DOP1B: variants seen among roughly 807,000 people sequenced by gnomAD.
The protein encoded by DOP1B is DOP1 leucine zipper like protein B, also known as protein DOP1B.
A neutral mutation model predicts 233.5 loss-of-function variants in DOP1B; 174 were observed. The observed-to-expected ratio is 0.75, with a 90% CI of 0.66 to 0.85. The LOEUF (loss-of-function observed/expected upper bound fraction) is 0.85. Ranked by LOEUF, DOP1B falls within the 40% of genes least tolerant of loss-of-function variation. The pLI, the probability that DOP1B is intolerant of heterozygous loss-of-function variation, is 0.00. For synonymous variants in DOP1B, 1,190 were observed against 1,185.6 expected, an observed-to-expected ratio of 1.00 and a Z score of -0.08; for missense variants, 2,652 against 2,846.6, an observed-to-expected ratio of 0.93 and a Z score of 1.56.
intron 2 of DOP1B, among the ~76,000 whole-genome samples, chr21:36,193,791 C>T (rs1269773450): frequency 6.6e-6 from 1 of 152,160 alleles, no homozygotes; most frequent in East Asian, 1.9e-4. Flanking sequence ...CTGATCCAAG[C>T]AACTGGTTCT....
intron 2 of DOP1B, among the ~76,000 whole-genome samples, chr21:36,180,452 T>A (rs1226905337): frequency 6.6e-6 from 1 of 151,810 alleles, no homozygotes; most frequent in Non-Finnish European, 1.5e-5. Context: ...CACCTGTTAG[T>A]CCTAGCTACT....
chr21:36,178,019 C>G (rs2249360), intron 2 of DOP1B, among the ~76,000 whole-genome samples: 89,977 of 152,024 alleles, frequency 0.59, 27,313 homozygotes, highest in African/African-American at 0.75. Flanking sequence ...CTCCATGTCA[C>G]GCCTTGGTGT....
rs193149236 is a variant in DOP1B, at chr21:36,291,215, C to T, written c.6516-889C>T. On this transcript the variant is annotated intron_variant, in intron 35 of 36. Coordinates refer to ENST00000691173, the MANE Select transcript of DOP1B (RefSeq NM_001320714.2). ...GGCGGAGGTTGCAGTGAACCGAGAT[C>T]GCACCACTGCACTCCAGCCTGGGCG... is the stretch of plus-strand genomic sequence containing the variant. Among the ~76,000 whole-genome samples the T allele has an allele frequency of 5.5e-4, 84 of 151,552 alleles. 1 individual carries two copies. In the East Asian group the frequency reaches 0.013, roughly 23 times the overall value.
chr21:36,256,011 G>A (rs2067092224), intron 23 of DOP1B, among the ~76,000 whole-genome samples: 1 of 152,102 alleles, frequency 6.6e-6, no homozygotes, highest in Non-Finnish European at 1.5e-5. Context: ...TTCTATTTCT[G>A]TTTTTACCAA....
chr21:36,222,826 C>T (rs189911773), intron 10 of DOP1B, among the ~76,000 whole-genome samples: 2 of 152,118 alleles, frequency 1.3e-5, no homozygotes, highest in African/African-American at 4.8e-5. Flanking sequence ...ACCTCCGCCT[C>T]CCAGGTTCAG....
intron 1 of DOP1B, among the ~76,000 whole-genome samples, chr21:36,163,605 A>G (rs1454581447): frequency 2.0e-5 from 3 of 152,224 alleles, no homozygotes; most frequent in Non-Finnish European, 2.9e-5. Flanking sequence ...CTCACGTTTA[A>G]CTATATAGCA....
chr21:36,227,510 G>A (rs1394079803), intron 12 of DOP1B, among the ~76,000 whole-genome samples, 176 bp from the exon 13 acceptor site: 1 of 151,770 alleles, frequency 6.6e-6, no homozygotes, highest in Non-Finnish European at 1.5e-5. Context: ...TCGCGACACT[G>A]CACTCCAGCC....
At chr21:36,188,832 A>G (rs2066196369) in intron 2 of DOP1B, among the ~76,000 whole-genome samples, 1 of 152,252 alleles carries the variant, frequency 6.6e-6, no homozygotes, top group Non-Finnish European at 1.5e-5. Context: ...TTTAAAGGAA[A>G]CATTTAACAT....
intron 27 of DOP1B, 143 bp from the exon 28 acceptor site, chr21:36,276,878 C>G: frequency 1.7e-6 from 1 of 573,796 alleles, no homozygotes; most frequent in Non-Finnish European, 3.0e-6. Flanking sequence ...TGAAAGTTAA[C>G]AGAGAGGAAT....
At chr21:36,244,919 T>A in intron 18 of DOP1B, 129 bp from the exon 19 acceptor site, 3 of 881,916 alleles carry the variant, frequency 3.4e-6, no homozygotes, top group Non-Finnish European at 5.0e-6. Flanking sequence ...ACTCTGGTGG[T>A]GGTGTTTCAT....
chr21:36,220,959 C>T (rs998340986), intron 10 of DOP1B, among the ~76,000 whole-genome samples: 1 of 151,972 alleles, frequency 6.6e-6, no homozygotes. Flanking sequence ...TATAGGCACA[C>T]ACAACCACAC....
rs1341928473 is a variant in DOP1B at position 36,246,438 on chromosome 21, G to T, written c.4458G>T (p.Gln1486His). Residue 1486 changes from glutamine (Q) to histidine (H), a missense_variant, in exon 19 of 37, where the codon CAG (glutamine) becomes CAT (histidine). By Grantham distance (24) the Gln-to-His change is conservative (BLOSUM62 0). Transcript: ENST00000691173. The surrounding 1 kb of genome is among the most constrained non-coding windows in gnomAD (Gnocchi z 5.1). ...LNFQQAISAL[Q>H]YVQPHPLTSQ... ...TCCAGCAGGCCATCAGCGCCCTGCA[G>T]TACGTGCAGCCCCACCCCCTCACCT... is the stretch of plus-strand genomic sequence containing the variant. The T allele has an allele frequency of 6.2e-7, 1 of 1,613,586 alleles. No homozygotes were observed. Among genetic ancestry groups the T allele is most frequent in the South Asian group, 1.1e-5 (1 of 91,042 alleles).
Position 36,253,889 on chromosome 21 carries a change from C to CA in DOP1B, c.5241dup (p.Val1748SerfsTer5), listed in dbSNP as rs764056711. ...GAAGGAGGTGGTGAAGAGGCCACCCCAAGTCAAAGGGGGTGATGAGGTGAG... is the reference window on the plus strand; with the variant it reads ...GAAGGAGGTGGTGAAGAGGCCACCCCAAAGTCAAAGGGGGTGATGAGGTGAG... On this transcript the variant is annotated frameshift_variant, in exon 23 of 37. Coordinates refer to ENST00000691173, the MANE Select transcript of DOP1B (RefSeq NM_001320714.2). LOFTEE classifies it high-confidence loss of function. The CA allele has an allele frequency of 6.2e-7, 1 of 1,613,906 alleles. No homozygotes were observed. The highest frequency in any genetic ancestry group is 8.5e-7 in the Non-Finnish European group (1 of 1,179,958).
intron 2 of DOP1B, among the ~76,000 whole-genome samples, chr21:36,194,491 T>G (rs1351104069): frequency 6.7e-6 from 1 of 148,374 alleles, no homozygotes; most frequent in African/African-American, 2.5e-5. Flanking sequence ...CTCTCTCTTT[T>G]TTTTTTTTTT....
Position 36,230,802 on chromosome 21 carries a change from C to G in DOP1B, c.2018C>G (p.Ala673Gly), listed in dbSNP as rs2066754300. The G allele has an allele frequency of 6.2e-7, 1 of 1,614,010 alleles. No individual in the cohort carries two copies. Among genetic ancestry groups the G allele is most frequent in the African/African-American group, 1.3e-5 (1 of 74,898 alleles). Residue 673 changes from alanine to glycine, a missense_variant, in exon 14 of 37, where the codon GCC becomes GGC. Coordinates refer to ENST00000691173, the MANE Select transcript of DOP1B (RefSeq NM_001320714.2). ...AGGGATGGGACGCAGAGCCTGGCAGCCAATGATTCCAGCAGGAAGAACTCT... is the reference window on the plus strand; with the variant it reads ...AGGGATGGGACGCAGAGCCTGGCAGGCAATGATTCCAGCAGGAAGAACTCT... ...RDRDGTQSLAANDSSRKNSWE... is the reference protein window; with the variant it reads ...RDRDGTQSLAGNDSSRKNSWE...
intron 2 of DOP1B, among the ~76,000 whole-genome samples, chr21:36,186,318 A>G (rs1253421158): frequency 6.6e-6 from 1 of 152,056 alleles, no homozygotes; most frequent in Non-Finnish European, 1.5e-5. Flanking sequence ...TGACTTGTGT[A>G]TGTGTACACG....
intron 12 of DOP1B, among the ~76,000 whole-genome samples, chr21:36,226,675 C>G (rs1300000301): frequency 6.6e-6 from 1 of 152,096 alleles, no homozygotes; most frequent in African/African-American, 2.4e-5. Context: ...CTCACTGTAG[C>G]CTCATCCTCC....
At chr21:36,215,702 G>A (rs1305471606) in intron 9 of DOP1B, among the ~76,000 whole-genome samples, 1 of 148,888 alleles carries the variant, frequency 6.7e-6, no homozygotes, top group Non-Finnish European at 1.5e-5. Context: ...ACTGCACCTG[G>A]CCCTCTCCCT....
intron 9 of DOP1B, 96 bp downstream of exon 9, chr21:36,214,652 T>C: frequency 2.8e-6 from 3 of 1,056,668 alleles, no homozygotes. Context: ...AGCGTTATTT[T>C]GAATATAATT....
Sources: gnomAD v4.1 joint callset for allele counts (sites outside exome capture counted in the v4.1 genomes callset) on GRCh38, gnomAD v4.1.1 for gene constraint, Gnocchi (gnomAD v3.1) non-coding constraint, MANE v1.5 for transcripts, NCBI Gene and HGNC (gene_info 2026-07-23, HGNC 2026-07-21) for gene names.